The following ANKAR variants were observed in gnomAD, a reference collection of about 807,000 sequenced individuals.
The protein encoded by ANKAR is ankyrin and armadillo repeat containing.
ANKAR carries 136 observed loss-of-function variants against 146.2 expected under a neutral mutation model. The ratio of observed to expected loss-of-function variants is 0.93; its 90% CI spans 0.81 to 1.07. The LOEUF (loss-of-function observed/expected upper bound fraction) is 1.07, where lower values mean the gene tolerates loss of function less well. Ranked by LOEUF, ANKAR falls within the 50% of genes least tolerant of loss-of-function variation. The pLI is 0.00. For synonymous variants in ANKAR, 500 were observed against 575.8 expected (o/e 0.87, Z 1.88); for missense variants, 1,567 against 1,679.9 (o/e 0.93, Z 1.18).
intron 7 of ANKAR, 67 bp from the exon 8 acceptor site, chr2:189,704,956 A>G: frequency 6.9e-7 from 1 of 1,444,236 alleles, no homozygotes. Flanking sequence ...GATATCAATA[A>G]GGCATTTAGG....
chr2:189,761,580 C>A, downstream of ANKAR: 1 of 1,610,500 alleles, frequency 6.2e-7, no homozygotes, highest in South Asian at 1.1e-5. Context: ...CTTAAAAATT[C>A]ATAAACTTTC....
chr2:189,744,670 A>T, intron 21 of ANKAR, 72 bp from the exon 22 acceptor site: 1 of 1,106,172 alleles, frequency 9.0e-7, no homozygotes, highest in Non-Finnish European at 1.3e-6. Context: ...GTCTTCATAT[A>T]CTTCTTCATA....
At chr2:189,707,474 A>AAG (rs2039109620) in intron 9 of ANKAR, among the ~76,000 whole-genome samples, 1 of 148,696 alleles carries the variant, frequency 6.7e-6, no homozygotes, top group Non-Finnish European at 1.5e-5. Context: ...AAAAAAAAAA[A>AAG]AGGAAAGAGG....
At position 189,738,781 on chromosome 2, in the gene ANKAR, T is replaced by G; in HGVS notation, c.3700+99T>G. On this transcript the variant is annotated intron_variant, in intron 19 of 22. Coordinates refer to ENST00000684021, the MANE Select transcript of ANKAR (RefSeq NM_001378068.1). Reference sequence around the variant, plus strand: ...TAATAAAATAATACGCCTGATACACTGCCACAAGTTTAAAGAACGAACTTA... The same window carrying G: ...TAATAAAATAATACGCCTGATACACGGCCACAAGTTTAAAGAACGAACTTA... 3 of 704,446 alleles carry G rather than the reference T, an allele frequency of 4.3e-6. No individual in the cohort carries two copies. The South Asian group carries it at 6.4e-5, about 15-fold the overall frequency. The allele number at this position is 704,446 out of a possible 1,614,324, so 43.6% of individuals were successfully genotyped here. A position where few individuals can be genotyped will look rare whatever the true frequency, so the allele number is the denominator to read the frequency against.
At chr2:189,681,056 C>T (rs1215112177) in intron 2 of ANKAR, among the ~76,000 whole-genome samples, 5 of 152,108 alleles carry the variant, frequency 3.3e-5, no homozygotes, top group Non-Finnish European at 7.4e-5. Context: ...TACAAATTTA[C>T]CTGAGGCTCT....
chr2:189,751,307 A>G (rs1270413341), downstream of ANKAR, among the ~76,000 whole-genome samples: 1 of 152,216 alleles, frequency 6.6e-6, no homozygotes, highest in African/African-American at 2.4e-5. Context: ...ATCAGAGGAT[A>G]TACTCTATCT....
intron 2 of ANKAR, among the ~76,000 whole-genome samples, chr2:189,680,990 A>T (rs1403846168): frequency 8.3e-6 from 1 of 120,616 alleles, no homozygotes; most frequent in Non-Finnish European, 1.7e-5. Context: ...GTAGTTTCCA[A>T]CAGCGGTAGA....
At chr2:189,722,331 T>C (rs1261130761) in intron 12 of ANKAR, among the ~76,000 whole-genome samples, 1 of 50,266 alleles carries the variant, frequency 2.0e-5, no homozygotes, top group African/African-American at 7.7e-5. Context: ...AGAGCGAGAC[T>C]CCATCTCAAA....
At chr2:189,693,035 T>G (rs764339138) in intron 4 of ANKAR, 39 bp from the exon 5 acceptor site, 3 of 1,050,298 alleles carry the variant, frequency 2.9e-6, no homozygotes, top group Non-Finnish European at 4.2e-6. Flanking sequence ...TTTAGATGTG[T>G]CTAAGGATAT....
downstream of ANKAR, among the ~76,000 whole-genome samples, chr2:189,749,470 T>C (rs181265481): frequency 1.7e-3 from 264 of 151,862 alleles, 2 homozygotes; most frequent in African/African-American, 6.1e-3. Flanking sequence ...ATTCAAAGAA[T>C]TGTACATTTA....
intron 8 of ANKAR, 32 bp from the exon 9 acceptor site, chr2:189,706,906 C>G: frequency 1.3e-6 from 2 of 1,546,996 alleles, no homozygotes; most frequent in South Asian, 1.2e-5. Flanking sequence ...ACACTCTATG[C>G]GTGTTTAATT....
chr2:189,736,503 TGTGTGTG>T (rs2042856965), intron 17 of ANKAR, among the ~76,000 whole-genome samples: 1 of 134,396 alleles, frequency 7.4e-6, no homozygotes, highest in African/African-American at 3.0e-5. Context: ...GACTGGGTTT[TGTGTGTG>T]TGTGTGTGTG....
At chr2:189,696,900 C>T (rs909321812) in intron 7 of ANKAR, among the ~76,000 whole-genome samples, 9 of 151,868 alleles carry the variant, frequency 5.9e-5, no homozygotes, top group African/African-American at 2.2e-4. Flanking sequence ...CATTTAATAA[C>T]AAAAAATTTC....
Position 189,695,079 on chromosome 2 carries a change from T to C in ANKAR, c.1406T>C (p.Leu469Pro). ...AATGAAATAGTGAACAATCTGAGAC[T>C]GAAAAGACTTCCACTGACAGATGCT... ...AINEIVNNLRLKRLPLTDAQL... is the reference protein window; with the variant it reads ...AINEIVNNLRPKRLPLTDAQL... Residue 469 changes from leucine (L) to proline (P), a missense_variant, in exon 6 of 23, where the codon CTG becomes CCG. By Grantham distance (98) the Leu-to-Pro change is moderately conservative. Coordinates refer to ENST00000684021, the MANE Select transcript of ANKAR (RefSeq NM_001378068.1). 6.2e-7 allele frequency: 1 copy of C among 1,612,972 alleles called. No homozygotes were observed.
intron 12 of ANKAR, among the ~76,000 whole-genome samples, chr2:189,722,288 G>A (rs2041353851): frequency 7.0e-6 from 1 of 142,586 alleles, no homozygotes; most frequent in African/African-American, 2.6e-5. Flanking sequence ...GCAGTGGGCT[G>A]AGATTGTACC....
rs376824673 is a variant in ANKAR at position 189,745,027 on chromosome 2, C to CTACTACTACTACTAATAATAATAATAA, written c.4057+241_4057+242insCTACTACTACTAATAATAATAATAATA. Among the ~76,000 whole-genome samples the CTACTACTACTACTAATAATAATAATAA allele has an allele frequency of 2.8e-3, 362 of 131,090 alleles. 2 individuals are homozygous for CTACTACTACTACTAATAATAATAATAA. The highest frequency in any genetic ancestry group is 8.3e-3 in the East Asian group (37 of 4,472). 86.0% of individuals were successfully genotyped at this position (131,090 alleles called of 152,430 possible). A position where few individuals can be genotyped will look rare whatever the true frequency, so the allele number is the denominator to read the frequency against. On this transcript the variant is annotated intron_variant, in intron 22 of 22. Transcript: ENST00000684021. Reference sequence around the variant, plus strand: ...ACTACTACTACTACTACTACTACTACTAATAATACAAAAATTAGCCAGGCA... The same window carrying CTACTACTACTACTAATAATAATAATAA: ...ACTACTACTACTACTACTACTACTACTACTACTACTACTAATAATAATAATAATAATAATACAAAAATTAGCCAGGCA...
At chr2:189,762,383 A>T (rs116562500), downstream of ANKAR, 268 of 171,254 alleles carry the variant, frequency 1.6e-3, no homozygotes, top group African/African-American at 6.0e-3. Flanking sequence ...TCTCCACCAC[A>T]CTAAAGGGAC....
In ANKAR at chr2:189,737,673, CTAT is replaced by C; in HGVS notation, c.3424-8_3424-6del. On this transcript the variant is annotated splice_polypyrimidine_tract_variant and splice_region_variant and intron_variant, in intron 17 of 22. Coordinates refer to ENST00000684021, the MANE Select transcript of ANKAR (RefSeq NM_001378068.1). Reference sequence around the variant, plus strand: ...AAGTTCACCATAATGCCTGTTTCTCCTATTTTTAGGATATTTGCTTAAGAGCAG... The same window carrying C: ...AAGTTCACCATAATGCCTGTTTCTCCTTTTAGGATATTTGCTTAAGAGCAG... The C allele has an allele frequency of 3.2e-6, 5 of 1,579,120 alleles. No individual in the cohort carries two copies. The highest frequency in any genetic ancestry group is 4.3e-6 in the Non-Finnish European group (5 of 1,170,280).
At chr2:189,703,055 T>A (rs1489248221) in intron 7 of ANKAR, among the ~76,000 whole-genome samples, 2 of 152,160 alleles carry the variant, frequency 1.3e-5, no homozygotes, top group Admixed American at 1.3e-4. Flanking sequence ...TTATGCTACA[T>A]TTGGGGAGCT....
Sources: gnomAD v4.1 joint callset for allele counts (sites outside exome capture counted in the v4.1 genomes callset) on GRCh38, gnomAD v4.1.1 for gene constraint, MANE v1.5 for transcripts, NCBI Gene and HGNC (gene_info 2026-07-23, HGNC 2026-07-21) for gene names.